The following RIT2 variants were observed in gnomAD, a reference collection of about 807,000 sequenced individuals.
RIT2 encodes the protein Ras like without CAAX 2, also known as GTP-binding protein Rit2.
Under a neutral mutation model 23.7 loss-of-function variants are expected in RIT2, and 24 were observed. The observed-to-expected ratio is 1.01, with a 90% CI of 0.73 to 1.43. RIT2 has a LOEUF of 1.43. RIT2 is among the 40% of genes most tolerant of loss of function. RIT2 has a pLI of 0.00. For missense variants in RIT2, 236 were observed against 266.9 expected (o/e 0.88, Z 0.81); for synonymous variants, 107 against 91.1 (o/e 1.17, Z -0.99).
intron 4 of RIT2, among the ~76,000 whole-genome samples, chr18:42,915,218 T>C (rs1908876797): frequency 6.6e-6 from 1 of 151,478 alleles, no homozygotes; most frequent in Non-Finnish European, 1.5e-5. Context: ...AGCCAGAGCC[T>C]AACTGCTGAG....
chr18:43,024,983 A>G (rs1911679676), intron 2 of RIT2, among the ~76,000 whole-genome samples: 1 of 151,954 alleles, frequency 6.6e-6, no homozygotes, highest in South Asian at 2.1e-4. Flanking sequence ...CAAGGCAGAC[A>G]GATCACTTGA....
At position 42,974,109 on chromosome 18, in the gene RIT2, G is replaced by T. The variant is rs1452167530; in HGVS notation, c.199C>A (p.Pro67Thr). 2.5e-6 allele frequency: 4 copies of T among 1,611,462 alleles called. No homozygotes were observed. Among genetic ancestry groups the T allele is most frequent in the East Asian group, 2.2e-5 (1 of 44,718 alleles). ...GTGTCCAAGATGTCCAAGTAAGCTGGCTCATTGTCAATCCTGACCTGGGTC... is the reference window on the plus strand; with the variant it reads ...GTGTCCAAGATGTCCAAGTAAGCTGTCTCATTGTCAATCCTGACCTGGGTC... ...YKTQVRIDNE[P>T]AYLDILDTAG... Residue 67 changes from proline to threonine, a missense_variant, in exon 3 of 5, where the codon CCA (proline) becomes ACA (threonine). Pro to Thr is a conservative substitution (Grantham distance 38). Coordinates refer to ENST00000326695, the MANE Select transcript of RIT2 (RefSeq NM_002930.4).
intron 3 of RIT2, among the ~76,000 whole-genome samples, chr18:42,972,096 G>A (rs1463157106): frequency 6.6e-6 from 1 of 151,636 alleles, no homozygotes; most frequent in African/African-American, 2.4e-5. Context: ...TTTTTTATTT[G>A]ATCATTTTAG....
intron 4 of RIT2, among the ~76,000 whole-genome samples, chr18:42,764,513 G>T (rs537805321): frequency 3.0e-4 from 45 of 152,110 alleles, no homozygotes; most frequent in African/African-American, 1.0e-3. Context: ...CATTTTCCAG[G>T]GACATACCCC....
chr18:42,944,437 C>T (rs1909676565), intron 3 of RIT2, among the ~76,000 whole-genome samples: 1 of 152,050 alleles, frequency 6.6e-6, no homozygotes, highest in African/African-American at 2.4e-5. Flanking sequence ...GCAATGTCCC[C>T]TAGCCTGAGG....
chr18:42,783,567 A>G (rs1267015278), intron 4 of RIT2, among the ~76,000 whole-genome samples: 2 of 152,102 alleles, frequency 1.3e-5, no homozygotes, highest in Non-Finnish European at 2.9e-5. Context: ...TAATTTTAAA[A>G]CAAGTTCCAG....
At position 43,114,599 on chromosome 18, in the gene RIT2, C is replaced by A. The variant is rs1914025396; in HGVS notation, c.103+818G>T. ...ATAAAAAGCTATATTTATTTATTTT[C>A]TAGTGATAGCCATAGCTCCGAGCTA... On this transcript the variant is annotated intron_variant, in intron 1 of 4. Coordinates refer to ENST00000326695, the MANE Select transcript of RIT2 (RefSeq NM_002930.4). Among the ~76,000 whole-genome samples, 3 of 152,022 alleles carry A rather than the reference C, an allele frequency of 2.0e-5. No homozygotes were observed. In the South Asian group the frequency reaches 6.2e-4, roughly 31 times the overall value.
intron 4 of RIT2, among the ~76,000 whole-genome samples, chr18:42,747,116 C>T (rs753231794): frequency 2.0e-5 from 3 of 151,976 alleles, no homozygotes; most frequent in Non-Finnish European, 4.4e-5. Flanking sequence ...AAAACTGATG[C>T]AGTTTCCTGA....
rs1350509171 is a variant in RIT2, at chr18:42,994,665, G to A, written c.161-20518C>T. ...GTCAGAATTCTTACACAAGGACCGG[G>A]ATCGCGTCCTGTAGCCTTTTTGTCC... is the stretch of plus-strand genomic sequence containing the variant. On this transcript the variant is annotated intron_variant, in intron 2 of 4. Transcript: ENST00000326695. Among the ~76,000 whole-genome samples, 7 of 152,192 alleles carry A rather than the reference G, an allele frequency of 4.6e-5. No homozygotes were observed. The East Asian group carries it at 9.7e-4, about 21-fold the overall frequency.
At chr18:42,808,692 T>C (rs1371161380) in intron 4 of RIT2, among the ~76,000 whole-genome samples, 3 of 152,168 alleles carry the variant, frequency 2.0e-5, no homozygotes, top group Non-Finnish European at 4.4e-5. Context: ...CTCTTTAAAC[T>C]ACCTTTGCCC....
At chr18:43,018,493 T>G (rs548384009) in intron 2 of RIT2, among the ~76,000 whole-genome samples, 1 of 151,760 alleles carries the variant, frequency 6.6e-6, no homozygotes, top group Admixed American at 6.6e-5. Flanking sequence ...TATCCCCAAA[T>G]CAAAACAGAG....
At position 42,818,828 on chromosome 18, in the gene RIT2, T is replaced by C. The variant is rs1906068284; in HGVS notation, c.427-75108A>G. Among the ~76,000 whole-genome samples, 3 of 152,030 alleles carry C rather than the reference T, an allele frequency of 2.0e-5. No homozygotes were observed. In the South Asian group the frequency reaches 6.2e-4, roughly 31 times the overall value. On this transcript the variant is annotated intron_variant, in intron 4 of 4. Transcript: ENST00000326695. ...GAACAGTGACATAATACAGAAAGTA[T>C]ATCCAGTTGACAGTTAGAATTGATC...
At chr18:43,029,868 A>G (rs1232970193) in intron 2 of RIT2, among the ~76,000 whole-genome samples, 1 of 152,072 alleles carries the variant, frequency 6.6e-6, no homozygotes, top group African/African-American at 2.4e-5. Flanking sequence ...TAGGTCAAGA[A>G]ATAGTAGTTA....
chr18:42,943,770 C>A (rs1054855393), intron 3 of RIT2, among the ~76,000 whole-genome samples: 1 of 152,122 alleles, frequency 6.6e-6, no homozygotes, highest in Admixed American at 6.6e-5. Context: ...TTCCAAGAAC[C>A]TGTCAATGAC....
At chr18:43,006,320 GAAA>G (rs1362917201) in intron 2 of RIT2, among the ~76,000 whole-genome samples, 1 of 150,690 alleles carries the variant, frequency 6.6e-6, no homozygotes, top group South Asian at 2.1e-4. Context: ...GGAAGAAGAA[GAAA>G]AAGAAGAAAG....
intron 4 of RIT2, among the ~76,000 whole-genome samples, chr18:42,912,909 C>T (rs1353201416): frequency 6.6e-6 from 1 of 151,638 alleles, no homozygotes; most frequent in Non-Finnish European, 1.5e-5. Flanking sequence ...CATAAAATTA[C>T]CCTAAAATTA....
intron 1 of RIT2, among the ~76,000 whole-genome samples, chr18:43,083,307 A>C (rs1913202146): frequency 6.6e-6 from 1 of 152,178 alleles, no homozygotes; most frequent in African/African-American, 2.4e-5. Context: ...ATACTGCCCA[A>C]AGTAATTTAT....
intron 2 of RIT2, among the ~76,000 whole-genome samples, chr18:43,002,170 C>T (rs932467282): frequency 6.6e-6 from 1 of 151,920 alleles, no homozygotes; most frequent in Non-Finnish European, 1.5e-5. Flanking sequence ...ACCACTGGTC[C>T]AAGAGTTTAA....
At chr18:43,051,133 A>G (rs1262234923) in intron 1 of RIT2, among the ~76,000 whole-genome samples, 1 of 152,030 alleles carries the variant, frequency 6.6e-6, no homozygotes, top group Non-Finnish European at 1.5e-5. Flanking sequence ...CGGTATCTCC[A>G]AGTAGATAGT....
Sources: allele counts gnomAD v4.1 joint callset (sites outside exome capture counted in the v4.1 genomes callset), GRCh38; gene constraint gnomAD v4.1.1; transcripts MANE v1.5; gene names NCBI Gene and HGNC (gene_info 2026-07-23, HGNC 2026-07-21).